ADAMTSL3: variants seen among roughly 807,000 people sequenced by gnomAD.
ADAMTSL3 encodes ADAMTS like 3, also known as ADAMTS-like protein 3.
In ADAMTSL3, 128 loss-of-function variants were observed where a neutral mutation model predicts 201.7. The ratio of observed to expected loss-of-function variants is 0.63; its 90% CI spans 0.55 to 0.73. ADAMTSL3 has a LOEUF of 0.73. ADAMTSL3 is among the 30% of genes least tolerant of loss of function. ADAMTSL3 has a pLI of 0.00. For synonymous variants in ADAMTSL3, 738 were observed against 748.4 expected (o/e 0.99, Z 0.23); for missense variants, 1,990 against 2,119.6 (o/e 0.94, Z 1.20).
At chr15:83,845,087 C>T (rs2064467995) in intron 7 of ADAMTSL3, among the ~76,000 whole-genome samples, 1 of 152,232 alleles carries the variant, frequency 6.6e-6, no homozygotes, top group African/African-American at 2.4e-5. Context: ...CCATGTGTCT[C>T]CCTGCTCTTC....
chr15:83,854,397 T>A (rs957764056), intron 7 of ADAMTSL3, among the ~76,000 whole-genome samples: 1 of 152,206 alleles, frequency 6.6e-6, no homozygotes, highest in Non-Finnish European at 1.5e-5. Context: ...AGCAAGGTCT[T>A]AGGTTTAATT....
intron 7 of ADAMTSL3, among the ~76,000 whole-genome samples, chr15:83,853,926 A>G (rs1396482792): frequency 4.7e-5 from 7 of 149,808 alleles, no homozygotes; most frequent in African/African-American, 1.3e-4. Context: ...CTATCTATCT[A>G]TCTATCTATC....
At chr15:83,681,416 A>G (rs538758233) in intron 2 of ADAMTSL3, among the ~76,000 whole-genome samples, 18 of 152,242 alleles carry the variant, frequency 1.2e-4, no homozygotes, top group Non-Finnish European at 2.6e-4. Context: ...GTGCACTTCT[A>G]TCATGGACCC....
chr15:83,981,043 T>C (rs1262934318), intron 20 of ADAMTSL3, among the ~76,000 whole-genome samples: 1 of 152,152 alleles, frequency 6.6e-6, no homozygotes, highest in Non-Finnish European at 1.5e-5. Flanking sequence ...AATCCAGAGG[T>C]ATTCTTGATG....
chr15:83,846,803 C>CA (rs2064507964), intron 7 of ADAMTSL3, among the ~76,000 whole-genome samples: 1 of 152,202 alleles, frequency 6.6e-6, no homozygotes, highest in South Asian at 2.1e-4. Flanking sequence ...GTTTTATCCT[C>CA]ACCAGCCTCC....
chr15:83,725,856 G>A (rs999195868), intron 3 of ADAMTSL3, among the ~76,000 whole-genome samples: 1 of 152,062 alleles, frequency 6.6e-6, no homozygotes, highest in East Asian at 1.9e-4. Flanking sequence ...TTTTTGGTCA[G>A]GATAGCTTTG....
At chr15:83,920,339 C>T (rs1326498602) in intron 16 of ADAMTSL3, among the ~76,000 whole-genome samples, 2 of 152,188 alleles carry the variant, frequency 1.3e-5, no homozygotes, top group African/African-American at 2.4e-5. Flanking sequence ...TGGTCACTTC[C>T]GCTCAGGCTC....
At chr15:83,940,731 A>T (rs1403772628) in intron 17 of ADAMTSL3, among the ~76,000 whole-genome samples, 1 of 152,144 alleles carries the variant, frequency 6.6e-6, no homozygotes, top group African/African-American at 2.4e-5. Context: ...AGGATTCAGG[A>T]TATATAACCA....
chr15:83,663,939 T>C (rs952093266), intron 2 of ADAMTSL3, among the ~76,000 whole-genome samples: 6 of 152,166 alleles, frequency 3.9e-5, no homozygotes, highest in Non-Finnish European at 7.3e-5. Flanking sequence ...CTCACTCTCC[T>C]TCTTTGGCTC....
At chr15:83,916,007 C>G (rs61601124) in intron 16 of ADAMTSL3, among the ~76,000 whole-genome samples, 47 of 152,084 alleles carry the variant, frequency 3.1e-4, no homozygotes, top group African/African-American at 1.1e-3. Context: ...GGTTATATAC[C>G]TTGGAGTAGA....
At chr15:83,768,873 C>CATTA (rs2062932923) in intron 3 of ADAMTSL3, among the ~76,000 whole-genome samples, 1 of 152,116 alleles carries the variant, frequency 6.6e-6, no homozygotes, top group Non-Finnish European at 1.5e-5. Flanking sequence ...AGAAATAATA[C>CATTA]ATTAAAAAGG....
At chr15:83,941,225 T>A (rs189968306) in intron 17 of ADAMTSL3, among the ~76,000 whole-genome samples, 1 of 151,948 alleles carries the variant, frequency 6.6e-6, no homozygotes, top group Non-Finnish European at 1.5e-5. Context: ...TGTCCTATTA[T>A]ATCTGCATTA....
intron 29 of ADAMTSL3, among the ~76,000 whole-genome samples, chr15:84,037,298 G>A (rs142710152): frequency 5.9e-5 from 9 of 152,284 alleles, no homozygotes; most frequent in African/African-American, 2.2e-4. Flanking sequence ...TACGTGCTAA[G>A]ACAAAGATTC....
intron 23 of ADAMTSL3, among the ~76,000 whole-genome samples, chr15:84,005,126 G>T (rs2067870813): frequency 6.6e-6 from 1 of 152,138 alleles, no homozygotes; most frequent in South Asian, 2.1e-4. Context: ...AGAGGAAATG[G>T]AGTCCTGGGG....
intron 16 of ADAMTSL3, among the ~76,000 whole-genome samples, chr15:83,919,104 C>T (rs908254490): frequency 6.6e-6 from 1 of 152,090 alleles, no homozygotes; most frequent in Non-Finnish European, 1.5e-5. Context: ...TAAGATGCCT[C>T]TCGACTTCCA....
chr15:83,970,142 A>G (rs931223268), intron 19 of ADAMTSL3, among the ~76,000 whole-genome samples: 4 of 152,176 alleles, frequency 2.6e-5, no homozygotes, highest in Non-Finnish European at 5.9e-5. Flanking sequence ...AATAAATTAG[A>G]TATTAATTGC....
At chr15:83,928,295 A>G (rs961211913) in intron 17 of ADAMTSL3, among the ~76,000 whole-genome samples, 6 of 152,196 alleles carry the variant, frequency 3.9e-5, no homozygotes, top group African/African-American at 9.7e-5. Flanking sequence ...GATTATAGGC[A>G]TGAGTGACCA....
At chr15:83,835,795 T>C (rs2064258018) in intron 6 of ADAMTSL3, among the ~76,000 whole-genome samples, 1 of 152,246 alleles carries the variant, frequency 6.6e-6, no homozygotes, top group African/African-American at 2.4e-5. Context: ...GTTAATTTAA[T>C]GGCCTGTGTA....
intron 7 of ADAMTSL3, among the ~76,000 whole-genome samples, chr15:83,847,332 C>G (rs536459938): frequency 6.7e-4 from 102 of 152,270 alleles, no homozygotes; most frequent in African/African-American, 2.3e-3. Flanking sequence ...AGACAGTCCT[C>G]CAGCTGCAGA....
Sources: gnomAD v4.1 joint callset for allele counts (sites outside exome capture counted in the v4.1 genomes callset) on GRCh38, gnomAD v4.1.1 for gene constraint, MANE v1.5 for transcripts, NCBI Gene and HGNC (gene_info 2026-07-23, HGNC 2026-07-21) for gene names.